The following CLASP1 variants were observed in gnomAD, a reference collection of about 807,000 sequenced individuals.
CLASP1 encodes CLIP-associating protein 1.
In CLASP1, 38 loss-of-function variants were observed where a neutral mutation model predicts 192.3. That is an observed-to-expected ratio of 0.20 (90% CI 0.15 to 0.26). The LOEUF is 0.26. Among genes scored for constraint, CLASP1 ranks in the 10% least tolerant of loss-of-function variants. CLASP1 has a pLI of 1.00. For synonymous variants in CLASP1, 691 were observed against 712.8 expected (o/e 0.97, Z 0.49); for missense variants, 1,433 against 1,932.5 (o/e 0.74, Z 4.85).
chr2:121,602,493 T>C (rs1049979636), intron 2 of CLASP1, among the ~76,000 whole-genome samples: 4 of 152,234 alleles, frequency 2.6e-5, no homozygotes, highest in Middle Eastern at 3.4e-3. Flanking sequence ...AGACCCTGAA[T>C]AGCCAAAGCA....
chr2:121,368,111 A>G (rs2149266878), intron 34 of CLASP1, among the ~76,000 whole-genome samples: 1 of 152,246 alleles, frequency 6.6e-6, no homozygotes. Context: ...CTGAGGGATG[A>G]AAGGCTCAGA....
intron 8 of CLASP1, among the ~76,000 whole-genome samples, chr2:121,473,702 A>G (rs2091160833): frequency 6.6e-6 from 1 of 152,232 alleles, no homozygotes. Context: ...TTAAACCCAG[A>G]CAAGAGCAGC....
chr2:121,438,247 G>A (rs2082640199), intron 19 of CLASP1, among the ~76,000 whole-genome samples: 3 of 152,192 alleles, frequency 2.0e-5, no homozygotes, highest in South Asian at 4.1e-4. Context: ...TCATTAGCTT[G>A]GAGTCTTCCA....
At position 121,540,223 on chromosome 2, in the gene CLASP1, G is replaced by A. The variant is rs184719386; in HGVS notation, c.196-9898C>T. On this transcript the variant is annotated intron_variant, in intron 2 of 39. Coordinates refer to ENST00000263710, the Ensembl canonical transcript of CLASP1. The stretch of plus-strand genomic sequence containing the variant: ...CCACTGTGGAATGTTGAAGTTGTGG[G>A]TTTCATACTAAGAGATGCAATAAAC... 2.8e-3 allele frequency among the ~76,000 whole-genome samples: 428 copies of A among 152,246 alleles called. 1 individual carries two copies. Among genetic ancestry groups the A allele is most frequent in the Non-Finnish European group, 4.3e-3 (291 of 68,022 alleles).
chr2:121,378,302 A>G (rs2070762173), intron 33 of CLASP1, among the ~76,000 whole-genome samples: 1 of 152,210 alleles, frequency 6.6e-6, no homozygotes, highest in African/African-American at 2.4e-5. Context: ...GAGTTTTATA[A>G]TCAAAGCAGA....
chr2:121,470,022 T>C, intron 8 of CLASP1, 62 bp from the exon 9 acceptor site: 1 of 1,273,374 alleles, frequency 7.9e-7, no homozygotes, highest in Non-Finnish European at 1.1e-6. Flanking sequence ...TACATATATA[T>C]ATACTTTTTC....
At chr2:121,573,105 G>A (rs2060135416) in intron 2 of CLASP1, among the ~76,000 whole-genome samples, 1 of 152,132 alleles carries the variant, frequency 6.6e-6, no homozygotes, top group Non-Finnish European at 1.5e-5. Flanking sequence ...GATTACAGGT[G>A]CCTGCCACCA....
chr2:121,490,136 C>T (rs2093220908), intron 8 of CLASP1: 2 of 327,202 alleles, frequency 6.1e-6, no homozygotes, highest in African/African-American at 2.2e-5. Flanking sequence ...GCTTAAATAC[C>T]AACAACATTC....
At chr2:121,528,691 C>T in exon 4 of CLASP1, 1 of 1,614,044 alleles carries the variant, frequency 6.2e-7, no homozygotes, top group Non-Finnish European at 8.5e-7. Context: ...GGATTAGCAG[C>T]TTGATCCATG....
At chr2:121,339,134 C>CAT (rs1011621700) in exon 40 of CLASP1, 4 of 109,664 alleles carry the variant, frequency 3.6e-5, no homozygotes, top group African/African-American at 1.8e-4. Flanking sequence ...CACAACACCA[C>CAT]ACACACACAC....
intron 2 of CLASP1, among the ~76,000 whole-genome samples, chr2:121,593,700 T>G (rs1485082694): frequency 6.8e-6 from 1 of 147,598 alleles, no homozygotes; most frequent in Non-Finnish European, 1.5e-5. Flanking sequence ...AACTGGATCA[T>G]GAAACAGGAT....
intron 2 of CLASP1, chr2:121,530,945 G>T: frequency 1.4e-6 from 1 of 700,388 alleles, no homozygotes; most frequent in Non-Finnish European, 2.6e-6. Flanking sequence ...TACTGCTAAC[G>T]CCTGAACAAC....
rs2062720720 is a variant in CLASP1 at position 121,341,041 on chromosome 2, G to C, written c.4531-94C>G. The C allele has an allele frequency of 4.9e-6, 4 of 810,322 alleles. No individual in the cohort carries two copies. The South Asian group carries it at 5.9e-5, about 12-fold the overall frequency. The allele number at this position is 810,322 out of a possible 1,614,324, so 50.2% of individuals were successfully genotyped here. A position where few individuals can be genotyped will look rare whatever the true frequency, so the allele number is the denominator to read the frequency against. ...AATCCCAGGTGACAGTAAGGAAACA[G>C]CAAGTCCCTTAGTTCCCTTGGTTGA... On this transcript the variant is annotated intron_variant, in intron 39 of 39. Transcript: ENST00000263710.
chr2:121,582,580 G>C (rs2061319446), intron 2 of CLASP1, among the ~76,000 whole-genome samples: 1 of 150,478 alleles, frequency 6.6e-6, no homozygotes, highest in Non-Finnish European at 1.5e-5. Context: ...ACAAAGACAG[G>C]AAGACAGAAA....
At chr2:121,389,282 C>A (rs1449411453) in intron 30 of CLASP1, among the ~76,000 whole-genome samples, 1 of 151,842 alleles carries the variant, frequency 6.6e-6, no homozygotes, top group Non-Finnish European at 1.5e-5. Context: ...ATGACATGGG[C>A]AAAAAGCATT....
At chr2:121,557,870 C>A (rs1165557119) in intron 2 of CLASP1, among the ~76,000 whole-genome samples, 1 of 151,786 alleles carries the variant, frequency 6.6e-6, no homozygotes, top group Non-Finnish European at 1.5e-5. Context: ...ATCACAAAGT[C>A]AGGAGTTCAA....
chr2:121,413,216 C>T (rs140247152), intron 23 of CLASP1, among the ~76,000 whole-genome samples: 26 of 152,082 alleles, frequency 1.7e-4, no homozygotes, highest in African/African-American at 5.8e-4. Context: ...CCCAAGATCA[C>T]GCTACTACAC....
chr2:121,503,207 A>G (rs1421113360), exon 8 of CLASP1: 3 of 1,549,004 alleles, frequency 1.9e-6, no homozygotes, highest in Non-Finnish European at 2.6e-6. Context: ...TCTGGACTTC[A>G]TCAAATTTTG....
At chr2:121,638,842 T>C (rs2071439916) in intron 1 of CLASP1, among the ~76,000 whole-genome samples, 1 of 151,998 alleles carries the variant, frequency 6.6e-6, no homozygotes. Context: ...TAATTTTTTG[T>C]ATATTTAGTA....
Sources: allele counts gnomAD v4.1 joint callset (sites outside exome capture counted in the v4.1 genomes callset), GRCh38; gene constraint gnomAD v4.1.1; transcripts MANE v1.5; gene names NCBI Gene and HGNC (gene_info 2026-07-23, HGNC 2026-07-21).